HMGA2: variants seen among roughly 807,000 people sequenced by gnomAD.
HMGA2 encodes high mobility group AT-hook 2, also known as high mobility group protein HMGI-C.
A neutral mutation model predicts 19.1 loss-of-function variants in HMGA2; 8 were observed. The ratio of observed to expected loss-of-function variants is 0.42; its 90% CI spans 0.25 to 0.76. The LOEUF (loss-of-function observed/expected upper bound fraction) is 0.76. Ranked by LOEUF, HMGA2 falls within the 30% of genes least tolerant of loss-of-function variation. The pLI is 0.28. For missense variants in HMGA2, 109 were observed against 136.3 expected, an observed-to-expected ratio of 0.80 and a Z score of 1.00; for synonymous variants, 60 against 48.8, an observed-to-expected ratio of 1.23 and a Z score of -0.96.
rs1565697416 is a variant in HMGA2, at chr12:65,824,717, C to CTCTCTCTCTG, written c.-545_-544insGTCTCTCTCT. On this transcript the variant is annotated 5_prime_UTR_variant, in exon 1 of 5. Transcript: ENST00000403681. ...GGCACTTTCAATCTCAATCTCTTCT[C>CTCTCTCTCTG]TCTCTCTCTCTCTCTCTCTCTCTCT... The CTCTCTCTCTG allele has an allele frequency of 2.1e-4, 10 of 47,856 alleles. No homozygotes were observed. Among genetic ancestry groups the CTCTCTCTCTG allele is most frequent in the African/African-American group, 5.8e-4 (10 of 17,286 alleles). The allele number at this position is 47,856 out of a possible 1,614,324, so 3.0% of individuals were successfully genotyped here.
chr12:65,825,786 C>T lies in HMGA2; in HGVS notation c.111+405C>T, dbSNP rs1037882330. 2.6e-5 allele frequency among the ~76,000 whole-genome samples: 4 copies of T among 152,098 alleles called. No homozygotes were observed. Among genetic ancestry groups the T allele is most frequent in the African/African-American group, 7.2e-5 (3 of 41,452 alleles). ...CCGGGAGGAAGGAGGTGCCGGGGACCCGGGCGCTTCGGCCGATCTGGGCTG... is the reference window on the plus strand; with the variant it reads ...CCGGGAGGAAGGAGGTGCCGGGGACTCGGGCGCTTCGGCCGATCTGGGCTG... On this transcript the variant is annotated intron_variant, in intron 1 of 4. Coordinates refer to ENST00000403681, the MANE Select transcript of HMGA2 (RefSeq NM_003483.6). The surrounding 1 kb of genome is among the most constrained non-coding windows in gnomAD (Gnocchi z 4.4).
chr12:65,959,523 G>C (rs141615554), intron 4 of HMGA2, among the ~76,000 whole-genome samples: 280 of 152,286 alleles, frequency 1.8e-3, no homozygotes, highest in African/African-American at 6.5e-3. Context: ...TTGTAAAGTA[G>C]CTGCATGATG....
chr12:65,870,699 A>G (rs902073406), intron 3 of HMGA2, among the ~76,000 whole-genome samples: 5 of 152,256 alleles, frequency 3.3e-5, no homozygotes, highest in African/African-American at 9.6e-5. Flanking sequence ...ACTGCACTCT[A>G]GCCTGGGCAG....
intron 4 of HMGA2, among the ~76,000 whole-genome samples, chr12:65,963,007 G>T (rs1432188405): frequency 1.3e-5 from 2 of 152,034 alleles, no homozygotes; most frequent in Non-Finnish European, 2.9e-5. Flanking sequence ...CTGACCAGCC[G>T]CCATGATGTC....
intron 3 of HMGA2, among the ~76,000 whole-genome samples, chr12:65,899,945 G>A (rs1466613331): frequency 6.6e-6 from 1 of 152,072 alleles, no homozygotes; most frequent in African/African-American, 2.4e-5. Context: ...AACTATGCAG[G>A]GAATTTAAGC....
chr12:65,888,657 G>T (rs368789423), intron 3 of HMGA2, among the ~76,000 whole-genome samples: 57 of 130,520 alleles, frequency 4.4e-4, no homozygotes, highest in African/African-American at 1.7e-3. Context: ...TCCGCCTCCC[G>T]GGTTCATGCC....
chr12:65,886,593 G>A (rs1045276181), intron 3 of HMGA2, among the ~76,000 whole-genome samples: 7 of 151,976 alleles, frequency 4.6e-5, no homozygotes, highest in Admixed American at 4.6e-4. Context: ...TCCTGACCAT[G>A]TGATCTGCCC....
intron 3 of HMGA2, among the ~76,000 whole-genome samples, chr12:65,847,648 A>G (rs1871284021): frequency 1.3e-5 from 2 of 152,180 alleles, no homozygotes; most frequent in African/African-American, 4.8e-5. Flanking sequence ...TCCCAGCCCC[A>G]GTTTCCCTGT....
chr12:65,928,927 T>A (rs1875611389), intron 3 of HMGA2, among the ~76,000 whole-genome samples: 1 of 152,244 alleles, frequency 6.6e-6, no homozygotes, highest in Non-Finnish European at 1.5e-5. Flanking sequence ...AGTACATATA[T>A]ATTTATATAT....
At position 65,871,230 on chromosome 12, in the gene HMGA2, G is replaced by A. The variant is rs111246655; in HGVS notation, c.249+32661G>A. Reference sequence around the variant, plus strand: ...TTTATTATGTAAGATTCAAATTTCAGTATCAACAAATAAAGTATTCCTGGG... The same window carrying A: ...TTTATTATGTAAGATTCAAATTTCAATATCAACAAATAAAGTATTCCTGGG... On this transcript the variant is annotated intron_variant, in intron 3 of 4. Transcript: ENST00000403681. Among the ~76,000 whole-genome samples the A allele has an allele frequency of 2.8e-3, 425 of 152,244 alleles. 4 individuals carry two copies. Among genetic ancestry groups the A allele is most frequent in the African/African-American group, 9.6e-3 (397 of 41,542 alleles).
intron 3 of HMGA2, among the ~76,000 whole-genome samples, chr12:65,888,543 C>T (rs1873759079): frequency 7.0e-6 from 1 of 142,480 alleles, no homozygotes; most frequent in South Asian, 2.3e-4. Context: ...ATAGAGTGCC[C>T]GTGGTGTGCT....
intron 3 of HMGA2, among the ~76,000 whole-genome samples, chr12:65,874,603 T>G (rs374969267): frequency 1.2e-4 from 18 of 152,298 alleles, no homozygotes; most frequent in African/African-American, 4.1e-4. Flanking sequence ...GTGACCTCTA[T>G]GTACTTGTTC....
chr12:65,949,134 G>A (rs550143490), intron 3 of HMGA2, among the ~76,000 whole-genome samples: 1 of 152,084 alleles, frequency 6.6e-6, no homozygotes, highest in African/African-American at 2.4e-5. Context: ...TTCTTGGTTC[G>A]ATTTTCCCTG....
intron 3 of HMGA2, among the ~76,000 whole-genome samples, chr12:65,868,962 C>A (rs996283229): frequency 6.6e-6 from 1 of 152,128 alleles, no homozygotes; most frequent in African/African-American, 2.4e-5. Context: ...CAATGCATTG[C>A]GTAGAACTGA....
chr12:65,855,213 T>G (rs1871669149), intron 3 of HMGA2, among the ~76,000 whole-genome samples: 1 of 152,136 alleles, frequency 6.6e-6, no homozygotes, highest in African/African-American at 2.4e-5. Flanking sequence ...TCACATAGAT[T>G]TTAAATGTCC....
chr12:65,943,374 A>G (rs1876155336), intron 3 of HMGA2, among the ~76,000 whole-genome samples: 1 of 152,160 alleles, frequency 6.6e-6, no homozygotes, highest in Non-Finnish European at 1.5e-5. Context: ...CAAAAACTCC[A>G]AAGTATCAGC....
intron 3 of HMGA2, among the ~76,000 whole-genome samples, chr12:65,916,922 C>A (rs960809888): frequency 3.3e-5 from 5 of 152,110 alleles, no homozygotes; most frequent in Admixed American, 2.6e-4. Flanking sequence ...CGCAGAGGCA[C>A]CTTTGGGTGG....
At chr12:65,948,558 A>G (rs1876344949) in intron 3 of HMGA2, 1 of 152,252 alleles carries the variant, frequency 6.6e-6, no homozygotes, top group Non-Finnish European at 1.5e-5. Context: ...AAATAAAAAC[A>G]AAACAAAATA....
intron 3 of HMGA2, among the ~76,000 whole-genome samples, chr12:65,897,877 T>A (rs908348384): frequency 2.0e-5 from 3 of 150,554 alleles, no homozygotes; most frequent in African/African-American, 7.4e-5. Context: ...GCAGGAGAAA[T>A]CACTTGAACC....
Sources: allele counts gnomAD v4.1 joint callset (sites outside exome capture counted in the v4.1 genomes callset), GRCh38; gene constraint gnomAD v4.1.1; non-coding constraint Gnocchi (gnomAD v3.1); transcripts MANE v1.5; gene names NCBI Gene and HGNC (gene_info 2026-07-23, HGNC 2026-07-21).